The following SYT16 variants were observed in gnomAD, a reference collection of about 807,000 sequenced individuals.
SYT16 encodes synaptotagmin-16.
Under a neutral mutation model 61.4 loss-of-function variants are expected in SYT16, and 42 were observed. The observed-to-expected ratio is 0.68, with a 90% confidence interval of 0.53 to 0.89. The LOEUF (loss-of-function observed/expected upper bound fraction) is 0.89, where lower values mean the gene tolerates loss of function less well. Ranked by LOEUF, SYT16 falls within the 40% of genes least tolerant of loss-of-function variation. The probability of loss-of-function intolerance (pLI) is 0.00; values close to 1 mark genes in which losing one functional copy is unlikely to be tolerated. For synonymous variants in SYT16, 314 were observed against 302.3 expected (o/e 1.04, Z -0.40); for missense variants, 804 against 807.3 (o/e 1.00, Z 0.05).
rs546100199 is a variant in SYT16, at chr14:62,095,975, A to G, written c.1625-4419A>G. ...CTGAAGCTTGGAAACTTGATATTTG[A>G]CAGACATGGTATTAGAAATTAGTGG... On this transcript the variant is annotated intron_variant, in intron 7 of 7. Transcript: ENST00000683842. 2.0e-5 allele frequency among the ~76,000 whole-genome samples: 3 copies of G among 152,082 alleles called. No homozygotes were observed. The South Asian group carries it at 6.2e-4, about 32-fold the overall frequency.
chr14:61,981,066 G>C (rs2052053663), intron 2 of SYT16, among the ~76,000 whole-genome samples: 2 of 152,240 alleles, frequency 1.3e-5, no homozygotes, highest in South Asian at 4.1e-4. Context: ...ATAGACTGGA[G>C]ATCCAGGGAA....
At chr14:62,095,032 AACCTT>A (rs1469320150) in intron 7 of SYT16, among the ~76,000 whole-genome samples, 1 of 152,014 alleles carries the variant, frequency 6.6e-6, no homozygotes, top group East Asian at 1.9e-4. Context: ...TCTTTAGTGG[AACCTT>A]ACTGATAAGA....
chr14:62,019,000 T>G (rs150463470), intron 3 of SYT16, among the ~76,000 whole-genome samples: 7 of 152,366 alleles, frequency 4.6e-5, no homozygotes, highest in Non-Finnish European at 8.8e-5. Flanking sequence ...AAATTTGGTG[T>G]ACTCTGTTTC....
chr14:61,866,980 T>C (rs1024583914), intron 1 of SYT16, among the ~76,000 whole-genome samples: 2 of 151,976 alleles, frequency 1.3e-5, no homozygotes, highest in African/African-American at 4.8e-5. Context: ...TATGCACATG[T>C]AATTATTTTA....
At chr14:61,816,586 G>A (rs1156588021) in intron 1 of SYT16, among the ~76,000 whole-genome samples, 2 of 152,136 alleles carry the variant, frequency 1.3e-5, no homozygotes. Context: ...ATTCATCCAT[G>A]GATGCTGAAC....
intron 1 of SYT16, among the ~76,000 whole-genome samples, chr14:61,950,103 T>C (rs2050610919): frequency 1.3e-5 from 2 of 152,338 alleles, no homozygotes; most frequent in African/African-American, 4.8e-5. Context: ...TCTGAAGTTA[T>C]AAGGTCAAAT....
chr14:61,831,765 C>T (rs2045943333), intron 1 of SYT16: 1 of 183,048 alleles, frequency 5.5e-6, no homozygotes, highest in Non-Finnish European at 1.1e-5. Flanking sequence ...CATTTATTAG[C>T]AGTGGTACTG....
intron 1 of SYT16, among the ~76,000 whole-genome samples, chr14:61,888,859 C>T (rs761285124): frequency 1.3e-5 from 2 of 149,824 alleles, no homozygotes; most frequent in Non-Finnish European, 3.0e-5. Context: ...TAAAAAGGTA[C>T]AATGATGAGG....
At chr14:61,900,693 A>G (rs1397524616) in intron 1 of SYT16, among the ~76,000 whole-genome samples, 7 of 152,186 alleles carry the variant, frequency 4.6e-5, no homozygotes, top group African/African-American at 7.2e-5. Context: ...GAATTGCTCA[A>G]TGGGTCACTG....
At chr14:62,038,334 T>C (rs1244066145) in intron 3 of SYT16, among the ~76,000 whole-genome samples, 4 of 150,010 alleles carry the variant, frequency 2.7e-5, no homozygotes, top group African/African-American at 7.3e-5. Context: ...TCATATACCA[T>C]ACTCTAGCAG....
intron 1 of SYT16, among the ~76,000 whole-genome samples, chr14:61,945,795 G>T (rs2050404271): frequency 2.2e-5 from 3 of 135,148 alleles, no homozygotes; most frequent in Admixed American, 1.7e-4. Context: ...GGCGGAACTT[G>T]CAGTGAGCCG....
intron 1 of SYT16, among the ~76,000 whole-genome samples, chr14:61,870,790 C>T (rs1218337537): frequency 6.6e-6 from 1 of 152,044 alleles, no homozygotes; most frequent in Non-Finnish European, 1.5e-5. Context: ...TAAATTTGAC[C>T]TATGTCTCTT....
chr14:61,865,051 C>A, intron 1 of SYT16: 1 of 1,406,440 alleles, frequency 7.1e-7, no homozygotes. Context: ...GGCTGCGGAG[C>A]TGCAGGCTCG....
chr14:61,874,307 C>A (rs2047419444), intron 1 of SYT16, among the ~76,000 whole-genome samples: 1 of 152,062 alleles, frequency 6.6e-6, no homozygotes, highest in Non-Finnish European at 1.5e-5. Flanking sequence ...GATCCACTCA[C>A]ATGTGGATGT....
intron 7 of SYT16, among the ~76,000 whole-genome samples, chr14:62,088,170 G>T (rs1469885714): frequency 2.6e-5 from 4 of 152,200 alleles, no homozygotes; most frequent in African/African-American, 9.7e-5. Flanking sequence ...GTTTATAGCA[G>T]CTTTATTCAT....
chr14:62,105,330 A>G lies in SYT16; in HGVS notation c.*4623A>G, dbSNP rs2057494880. ...AGTTGGTGACAATGGCAGTTTGACT[A>G]CATATTTCAACTGTGATCCAAAAAA... On this transcript the variant is annotated 3_prime_UTR_variant, in exon 8 of 8. Transcript: ENST00000683842. 6.6e-6 allele frequency: 1 copy of G among 152,212 alleles called. No homozygotes were observed. Among genetic ancestry groups the G allele is most frequent in the Non-Finnish European group, 1.5e-5 (1 of 68,032 alleles). The allele number at this position is 152,212 out of a possible 1,614,324, so 9.4% of individuals were successfully genotyped here.
intron 7 of SYT16, among the ~76,000 whole-genome samples, chr14:62,095,050 C>T (rs1375321102): frequency 6.6e-6 from 1 of 151,934 alleles, no homozygotes; most frequent in Non-Finnish European, 1.5e-5. Context: ...TGATAAGAGA[C>T]TAGGGGAATG....
At position 62,050,050 on chromosome 14, in the gene SYT16, A is replaced by G. The variant is rs138561946; in HGVS notation, c.524-19553A>G. 3.2e-4 allele frequency among the ~76,000 whole-genome samples: 49 copies of G among 152,296 alleles called. No homozygotes were observed. The East Asian group carries it at 4.4e-3, about 14-fold the overall frequency. ...CTAGATTTGGGAAGTTCTCCTGGAA[A>G]ATATCCTGCAGAGTGTTTTCCAACT... is the stretch of plus-strand genomic sequence containing the variant. On this transcript the variant is annotated intron_variant, in intron 3 of 7. Coordinates refer to ENST00000683842, the MANE Select transcript of SYT16 (RefSeq NM_001367656.1).
chr14:61,909,282 T>C (rs1478365795), intron 1 of SYT16, among the ~76,000 whole-genome samples: 1 of 152,226 alleles, frequency 6.6e-6, no homozygotes, highest in East Asian at 1.9e-4. Flanking sequence ...ATACTACTTA[T>C]TTTCTGTGGC....
Sources: allele counts gnomAD v4.1 joint callset (sites outside exome capture counted in the v4.1 genomes callset), GRCh38; gene constraint gnomAD v4.1.1; transcripts MANE v1.5; gene names NCBI Gene and HGNC (gene_info 2026-07-23, HGNC 2026-07-21).